Variants in LTBP2 observed in about 807,000 individuals in gnomAD.
LTBP2 encodes latent transforming growth factor beta binding protein 2, also known as latent-transforming growth factor beta-binding protein 2.
Under a neutral mutation model 210.6 loss-of-function variants are expected in LTBP2, and 103 were observed. That is an observed-to-expected ratio of 0.49 (90% confidence interval 0.42 to 0.58). LTBP2 has a LOEUF of 0.58. LTBP2 is among the 20% of genes least tolerant of loss of function. LTBP2 has a pLI of 0.00. For synonymous variants in LTBP2, 1,007 were observed against 1,015.0 expected, an observed-to-expected ratio of 0.99 and a Z score of 0.15; for missense variants, 2,313 against 2,494.5, an observed-to-expected ratio of 0.93 and a Z score of 1.55.
chr14:74,508,101 G>A lies in LTBP2; in HGVS notation c.3653-6C>T. 3 of 1,613,626 alleles carry A rather than the reference G, an allele frequency of 1.9e-6. No homozygotes were observed. Among genetic ancestry groups the A allele is most frequent in the East Asian group, 2.2e-5 (1 of 44,882 alleles). On this transcript the variant is annotated splice_polypyrimidine_tract_variant and splice_region_variant and intron_variant, in intron 24 of 35. Coordinates refer to ENST00000261978, the MANE Select transcript of LTBP2 (RefSeq NM_000428.3). ...GGTGGCACACTCGTCCACATCTAGA[G>A]TAGAGATGGCTGTCAGCAGACCCAG... is the stretch of plus-strand genomic sequence containing the variant.
chr14:74,537,963 C>T (rs1163300697), intron 8 of LTBP2, among the ~76,000 whole-genome samples: 1 of 152,162 alleles, frequency 6.6e-6, no homozygotes, highest in African/African-American at 2.4e-5. Context: ...CCATGTTGGC[C>T]AGGCTGGTTT....
intron 10 of LTBP2, 58 bp from the exon 11 acceptor site, chr14:74,529,180 G>T: frequency 6.5e-7 from 1 of 1,541,200 alleles, no homozygotes; most frequent in Non-Finnish European, 8.8e-7. Flanking sequence ...GGAATGCGCA[G>T]CTGGGAGGGC....
At position 74,540,848 on chromosome 14, in the gene LTBP2, T is replaced by TTTATATATAATA. The variant is rs1555350202; in HGVS notation, c.1790-4849_1790-4848insTATTATATATAA. Reference sequence around the variant, plus strand: ...TTTATATAATATATATTTATATATATTATATATATTATATATATTTATATA... The same window carrying TTTATATATAATA: ...TTTATATAATATATATTTATATATATTTATATATAATATATATATATTATATATATTTATATA... On this transcript the variant is annotated intron_variant, in intron 8 of 35. Transcript: ENST00000261978. Among the ~76,000 whole-genome samples, 58 of 68,858 alleles carry TTTATATATAATA rather than the reference T, an allele frequency of 8.4e-4. 1 individual carries two copies. The highest frequency in any genetic ancestry group is 3.3e-3 in the South Asian group (9 of 2,692). 45.2% of individuals were successfully genotyped at this position (68,858 alleles called of 152,430 possible).
chr14:74,540,944 A>ATATATTTT (rs1248514534), intron 8 of LTBP2, among the ~76,000 whole-genome samples: 11 of 24,290 alleles, frequency 4.5e-4, no homozygotes, highest in African/African-American at 1.0e-3. Context: ...ATATATATAT[A>ATATATTTT]TTTTTTATAT....
rs961809058 is a variant in LTBP2, at chr14:74,522,647, AG to A, written c.2659+142del. 71 of 987,776 alleles carry A rather than the reference AG, an allele frequency of 7.2e-5. No individual in the cohort carries two copies. The African/African-American group carries it at 9.9e-4, about 14-fold the overall frequency. 61.2% of individuals were successfully genotyped at this position (987,776 alleles called of 1,614,324 possible). A position where few individuals can be genotyped will look rare whatever the true frequency, so the allele number is the denominator to read the frequency against. On this transcript the variant is annotated intron_variant, in intron 16 of 35. Coordinates refer to ENST00000261978, the MANE Select transcript of LTBP2 (RefSeq NM_000428.3). ...GAAGGTTAAAGTTAGCTTAGTCCACAGGGACTGTGCTCCTCCTAAACTCATC... is the reference window on the plus strand; with the variant it reads ...GAAGGTTAAAGTTAGCTTAGTCCACAGGACTGTGCTCCTCCTAAACTCATC...
intron 2 of LTBP2, among the ~76,000 whole-genome samples, chr14:74,598,147 G>A (rs2088394768): frequency 6.6e-6 from 1 of 152,228 alleles, no homozygotes; most frequent in Non-Finnish European, 1.5e-5. Flanking sequence ...CAGGGAGCCT[G>A]ACTCCAAAGC....
At chr14:74,596,790 G>A (rs1326547283) in intron 2 of LTBP2, among the ~76,000 whole-genome samples, 1 of 152,214 alleles carries the variant, frequency 6.6e-6, no homozygotes, top group African/African-American at 2.4e-5. Flanking sequence ...CAGTCAAGTC[G>A]ATGGGGGTGC....
At chr14:74,554,689 A>G (rs893123267) in intron 4 of LTBP2, among the ~76,000 whole-genome samples, 3 of 152,164 alleles carry the variant, frequency 2.0e-5, no homozygotes, top group Non-Finnish European at 4.4e-5. Context: ...TAGTGGGTAC[A>G]AGGATTCTAT....
intron 16 of LTBP2, among the ~76,000 whole-genome samples, chr14:74,522,280 A>C (rs1401593276): frequency 6.6e-6 from 1 of 151,554 alleles, no homozygotes; most frequent in African/African-American, 2.4e-5. Flanking sequence ...CTGCCCCTCG[A>C]CTCCTTCCCC....
chr14:74,547,045 G>A (rs1010389469), intron 8 of LTBP2, among the ~76,000 whole-genome samples: 20 of 152,246 alleles, frequency 1.3e-4, no homozygotes, highest in Non-Finnish European at 2.4e-4. Flanking sequence ...CCCTGGCATG[G>A]ACCTCACAGC....
Position 74,553,018 on chromosome 14 carries a change from T to G in LTBP2, c.1066A>C (p.Thr356Pro), listed in dbSNP as rs752004466. 1.1e-5 allele frequency: 17 copies of G among 1,613,972 alleles called. No individual in the cohort carries two copies. Among genetic ancestry groups the G allele is most frequent in the Non-Finnish European group, 1.4e-5 (17 of 1,179,968 alleles). ...CAGGTCTGCTTGCAGATGGTGGGAG[T>G]GAAGACGATCTTGATCTTCTTGATT... is the stretch of plus-strand genomic sequence containing the variant. ...EKIKKIKIVF[T>P]PTICKQTCAR... Residue 356 changes from threonine to proline, a missense_variant, in exon 5 of 36, where the codon ACT becomes CCT. By Grantham distance (38) the Thr-to-Pro change is conservative. This residue lies in a region of LTBP2 where 1,867 missense variants were observed against 1,976.9 expected (regional missense o/e 0.94). Coordinates refer to ENST00000261978, the MANE Select transcript of LTBP2 (RefSeq NM_000428.3).
intron 3 of LTBP2, among the ~76,000 whole-genome samples, chr14:74,572,461 T>A (rs897337165): frequency 1.3e-5 from 2 of 150,520 alleles, no homozygotes; most frequent in East Asian, 3.9e-4. Flanking sequence ...TTTTTTTTTT[T>A]AAACTGTGAT....
At chr14:74,528,095 G>A (rs940787343) in intron 12 of LTBP2, among the ~76,000 whole-genome samples, 2 of 152,204 alleles carry the variant, frequency 1.3e-5, no homozygotes, top group Non-Finnish European at 2.9e-5. Context: ...CTCCAAGGCC[G>A]GGCCAGGGGT....
chr14:74,600,332 G>T (rs1281085384), intron 2 of LTBP2, among the ~76,000 whole-genome samples: 5 of 152,208 alleles, frequency 3.3e-5, no homozygotes, highest in Non-Finnish European at 7.3e-5. Flanking sequence ...TGTATGCCTG[G>T]GTCAGGGTGG....
intron 2 of LTBP2, among the ~76,000 whole-genome samples, chr14:74,590,380 C>T (rs1245213375): frequency 6.6e-6 from 1 of 152,154 alleles, no homozygotes; most frequent in Non-Finnish European, 1.5e-5. Context: ...AGATATGGAA[C>T]CAACTTAATG....
intron 1 of LTBP2, among the ~76,000 whole-genome samples, chr14:74,609,757 C>A (rs1020224518): frequency 1.3e-5 from 2 of 152,222 alleles, no homozygotes; most frequent in East Asian, 1.9e-4. Context: ...TTAACAGGAA[C>A]CTTCCAGTAC....
At chr14:74,576,299 A>T (rs555145123) in intron 3 of LTBP2, among the ~76,000 whole-genome samples, 2 of 152,300 alleles carry the variant, frequency 1.3e-5, no homozygotes, top group East Asian at 3.9e-4. Context: ...AGGGGTGTCC[A>T]TTCAGTGGAT....
intron 10 of LTBP2, 72 bp from the exon 11 acceptor site, chr14:74,529,194 G>A (rs750606804): frequency 8.7e-5 from 132 of 1,522,478 alleles, no homozygotes; most frequent in Middle Eastern, 1.7e-4. Context: ...GGAGGGCAGT[G>A]GATGGAGGTG....
chr14:74,550,668 C>T (rs1402400376), intron 7 of LTBP2, among the ~76,000 whole-genome samples: 1 of 152,184 alleles, frequency 6.6e-6, no homozygotes, highest in Non-Finnish European at 1.5e-5. Context: ...GTTAATTCCA[C>T]ACCTCTGTGA....
Sources: allele counts gnomAD v4.1 joint callset (sites outside exome capture counted in the v4.1 genomes callset), GRCh38; gene constraint gnomAD v4.1.1; regional missense constraint gnomAD v4.1.1; transcripts MANE v1.5; gene names NCBI Gene and HGNC (gene_info 2026-07-23, HGNC 2026-07-21).